The following TAL1 variants were observed in gnomAD, a reference collection of about 807,000 sequenced individuals.
TAL1 encodes the protein TAL bHLH transcription factor 1, erythroid differentiation factor.
Under a neutral mutation model 17.9 loss-of-function variants are expected in TAL1, and 8 were observed. That is an observed-to-expected ratio of 0.45 (90% CI 0.26 to 0.81). The LOEUF is 0.81. TAL1 is among the 30% of genes least tolerant of loss of function. The probability of loss-of-function intolerance (pLI) is 0.17; values close to 1 mark genes in which losing one functional copy is unlikely to be tolerated. For missense variants in TAL1, 466 were observed against 486.9 expected (o/e 0.96, Z 0.40); for synonymous variants, 223 against 218.6 (o/e 1.02, Z -0.18).
At chr1:47,219,580 C>T (rs542863703) in exon 4 of TAL1, 1 of 1,384,086 alleles carries the variant, frequency 7.2e-7, no homozygotes, top group Non-Finnish European at 9.9e-7. Context: ...GTAAAGGCTT[C>T]CCAAAGTTCA....
intron 3 of TAL1, 126 bp downstream of exon 4, chr1:47,223,878 T>C: frequency 1.1e-6 from 1 of 900,194 alleles, no homozygotes; most frequent in South Asian, 1.5e-5. Flanking sequence ...CTTCGGCAGT[T>C]TGGGTTTGGA....
At chr1:47,223,159 G>T (rs546502170) in intron 3 of TAL1, among the ~76,000 whole-genome samples, 2 of 152,252 alleles carry the variant, frequency 1.3e-5, no homozygotes, top group East Asian at 3.9e-4. Flanking sequence ...CTTGCTCTGA[G>T]GCCTTGGGCA....
chr1:47,219,372 A>C (rs1645563310), exon 4 of TAL1: 1 of 570,888 alleles, frequency 1.8e-6, no homozygotes, highest in Non-Finnish European at 3.3e-6. Flanking sequence ...GAGAGCTGAC[A>C]ACCCCAGGTC....
intron 3 of TAL1, among the ~76,000 whole-genome samples, chr1:47,222,544 C>T (rs1643836923): frequency 6.6e-6 from 1 of 152,122 alleles, no homozygotes; most frequent in Non-Finnish European, 1.5e-5. Context: ...CTAGATCTTG[C>T]ATTAGTTCTA....
intron 3 of TAL1, 91 bp from the exon 5 acceptor site, chr1:47,220,265 G>A: frequency 5.7e-6 from 8 of 1,413,492 alleles, no homozygotes; most frequent in Non-Finnish European, 7.4e-6. Context: ...GGGAAGCCTA[G>A]AATGCCTACT....
exon 2 of TAL1, chr1:47,225,640 T>C: frequency 7.2e-7 from 1 of 1,385,548 alleles, no homozygotes; most frequent in Non-Finnish European, 9.3e-7. Flanking sequence ...GATGGCGCGC[T>C]TCGGCCGTCG....
At chr1:47,225,610 C>T in exon 2 of TAL1, 1 of 1,374,302 alleles carries the variant, frequency 7.3e-7, no homozygotes, top group South Asian at 1.7e-5. Context: ...GAGGTCTGCA[C>T]AGCTCGGTGG....
intron 1 of TAL1, among the ~76,000 whole-genome samples, chr1:47,226,652 G>A (rs1158660300): frequency 6.6e-6 from 1 of 152,244 alleles, no homozygotes; most frequent in Non-Finnish European, 1.5e-5. Context: ...ACAGAGATGA[G>A]AGGTCGCCAA....
intron 3 of TAL1, among the ~76,000 whole-genome samples, chr1:47,221,783 C>G (rs1643815793): frequency 6.6e-6 from 1 of 152,206 alleles, no homozygotes. Context: ...CAGACCTCAC[C>G]TCAGTGGTCA....
exon 4 of TAL1, chr1:47,216,611 C>A (rs151258572): frequency 9.1e-5 from 21 of 231,996 alleles, no homozygotes; most frequent in Middle Eastern, 1.3e-3. Flanking sequence ...ACGGCCAGAC[C>A]CACCCCCAAA....
At chr1:47,232,262 G>A (rs1157736550), upstream of TAL1, 303 of 85,524 alleles carry the variant, frequency 3.5e-3, 1 homozygote, top group Non-Finnish European at 6.0e-3. Context: ...TCCCCCGCCC[G>A]CCCCGCGCCC....
At chr1:47,216,520 C>T (rs1433588144) in exon 4 of TAL1, 3 of 230,896 alleles carry the variant, frequency 1.3e-5, no homozygotes, top group East Asian at 6.1e-5. Context: ...GTGCTGGGCC[C>T]GCCCACAGAA....
At chr1:47,226,179 A>G (rs1643907941) in intron 1 of TAL1, 1 of 422,864 alleles carries the variant, frequency 2.4e-6, no homozygotes. Flanking sequence ...ACACCGGAAG[A>G]AAAGGAATAC....
chr1:47,225,714 C>T lies in TAL1; in HGVS notation c.175G>A (p.Gly59Ser), dbSNP rs201545760. The T allele has an allele frequency of 7.9e-5, 116 of 1,467,354 alleles. No individual in the cohort carries two copies. The African/African-American group carries it at 1.4e-3, about 18-fold the overall frequency. The allele number at this position is 1,467,354 out of a possible 1,614,324, so 90.9% of individuals were successfully genotyped here. A position where few individuals can be genotyped will look rare whatever the true frequency, so the allele number is the denominator to read the frequency against. The change falls in exon 2 of 4, where the codon GGC (glycine) becomes AGC (serine). Residue 59 changes from glycine (G) to serine (S), a missense_variant. By Grantham distance (56) the Gly-to-Ser change is moderately conservative. Transcript: ENST00000294339. The stretch of plus-strand genomic sequence containing the variant: ...CCACCGGCAGGGCCGCCCCCCGGGC[C>T]TCCGCGCGCGCCCAGTTCGATGACT...
chr1:47,219,616 C>T (rs1014202691), exon 4 of TAL1: 5 of 1,527,652 alleles, frequency 3.3e-6, no homozygotes, highest in South Asian at 1.2e-5. Flanking sequence ...TCAAGTCCAC[C>T]GCCTTGCTTC....
upstream of TAL1, chr1:47,230,784 T>C (rs1428857668): frequency 1.3e-5 from 2 of 152,198 alleles, no homozygotes; most frequent in African/African-American, 4.8e-5. Context: ...GCAATTACAA[T>C]AATTGACAAA....
chr1:47,219,464 G>A (rs983674580), exon 4 of TAL1: 2 of 681,304 alleles, frequency 2.9e-6, no homozygotes, highest in African/African-American at 3.5e-5. Flanking sequence ...TTGGGACTGA[G>A]GGAAGAGGGA....
intron 1 of TAL1, chr1:47,227,372 A>G (rs1287585754): frequency 6.6e-6 from 1 of 152,232 alleles, no homozygotes; most frequent in Non-Finnish European, 1.5e-5. Context: ...ACAAATACAA[A>G]AAAACAATTT....
exon 4 of TAL1, chr1:47,220,050 C>T (rs755557198): frequency 3.1e-6 from 5 of 1,613,932 alleles, no homozygotes; most frequent in South Asian, 1.1e-5. Flanking sequence ...TCTTGCTGAG[C>T]TTCTTGTCCG....
Sources: allele counts gnomAD v4.1 joint callset (sites outside exome capture counted in the v4.1 genomes callset), GRCh38; gene constraint gnomAD v4.1.1; transcripts MANE v1.5; gene names NCBI Gene and HGNC (gene_info 2026-07-23, HGNC 2026-07-21).